MYO3B: variants seen among roughly 807,000 people sequenced by gnomAD.
The protein encoded by MYO3B is myosin-IIIb.
MYO3B carries 156 observed loss-of-function variants against 174.6 expected under a neutral mutation model. That is an observed-to-expected ratio of 0.89 (90% CI 0.78 to 1.02). The LOEUF is 1.02. Ranked by LOEUF, MYO3B falls within the 50% of genes least tolerant of loss-of-function variation. MYO3B has a pLI of 0.00. For missense variants in MYO3B, 1,632 were observed against 1,639.4 expected (o/e 1.00, Z 0.08); for synonymous variants, 563 against 569.1 (o/e 0.99, Z 0.15).
chr2:170,362,439 G>T (rs1228017513), intron 8 of MYO3B, among the ~76,000 whole-genome samples: 1 of 152,134 alleles, frequency 6.6e-6, no homozygotes, highest in Non-Finnish European at 1.5e-5. Context: ...AGGATCTCTG[G>T]CAAGATGGCA....
chr2:170,366,712 A>G (rs1574857836), intron 8 of MYO3B, among the ~76,000 whole-genome samples: 1 of 152,176 alleles, frequency 6.6e-6, no homozygotes, highest in Non-Finnish European at 1.5e-5. Flanking sequence ...CTCTGACTTC[A>G]TTATTCATTC....
At chr2:170,492,517 C>T (rs1396629354) in intron 25 of MYO3B, among the ~76,000 whole-genome samples, 2 of 152,168 alleles carry the variant, frequency 1.3e-5, no homozygotes, top group Admixed American at 6.6e-5. Flanking sequence ...TTTACATGAA[C>T]GAAAGTAACC....
chr2:170,373,713 T>C (rs957442917), intron 9 of MYO3B, among the ~76,000 whole-genome samples: 1 of 151,246 alleles, frequency 6.6e-6, no homozygotes, highest in East Asian at 1.9e-4. Flanking sequence ...AAAAGGGAGG[T>C]TGACTTTAGA....
Position 170,369,208 on chromosome 2 carries a change from G to A in MYO3B, c.816-14G>A. On this transcript the variant is annotated splice_polypyrimidine_tract_variant and intron_variant, in intron 8 of 34. Transcript: ENST00000408978. ...AGATTGTACTTTGGATTGTTTGTTG[G>A]TTTTTGCAAACAGGTGTCTTATTAA... 1.9e-6 allele frequency: 3 copies of A among 1,610,388 alleles called. No individual in the cohort carries two copies. Among genetic ancestry groups the A allele is most frequent in the Non-Finnish European group, 2.5e-6 (3 of 1,177,456 alleles).
chr2:170,325,046 T>A (rs1357940102), intron 7 of MYO3B, among the ~76,000 whole-genome samples: 1 of 152,130 alleles, frequency 6.6e-6, no homozygotes, highest in Non-Finnish European at 1.5e-5. Context: ...AGGCTTGGGT[T>A]TGGGGGCAGG....
chr2:170,623,531 C>T (rs1575272988), intron 32 of MYO3B, among the ~76,000 whole-genome samples: 1 of 152,140 alleles, frequency 6.6e-6, no homozygotes, highest in Admixed American at 6.5e-5. Flanking sequence ...GTTGCCTGTT[C>T]ACTCTGATGG....
chr2:170,462,207 T>C (rs1684337213), intron 23 of MYO3B, among the ~76,000 whole-genome samples: 1 of 152,212 alleles, frequency 6.6e-6, no homozygotes, highest in Non-Finnish European at 1.5e-5. Context: ...TTCAGCTGCA[T>C]GTGAATGGAC....
At position 170,366,583 on chromosome 2, in the gene MYO3B, A is replaced by G. The variant is rs534884351; in HGVS notation, c.816-2639A>G. ...GTTGGGATTATGGGCATGAGCCACCACGCCTGGCCAACAGATCTTCTTGAT... is the reference window on the plus strand; with the variant it reads ...GTTGGGATTATGGGCATGAGCCACCGCGCCTGGCCAACAGATCTTCTTGAT... On this transcript the variant is annotated intron_variant, in intron 8 of 34. Transcript: ENST00000408978. 1.1e-4 allele frequency among the ~76,000 whole-genome samples: 16 copies of G among 152,290 alleles called. 1 individual carries two copies. The South Asian group carries it at 3.3e-3, about 32-fold the overall frequency.
chr2:170,351,359 G>A (rs2094067361), intron 8 of MYO3B, among the ~76,000 whole-genome samples: 6 of 152,280 alleles, frequency 3.9e-5, no homozygotes, highest in Middle Eastern at 6.8e-3. Flanking sequence ...TGCTCTAACT[G>A]TAGCAATTTC....
chr2:170,413,772 G>C lies in MYO3B; in HGVS notation c.2650+5928G>C, dbSNP rs188226385. 3.1e-3 allele frequency among the ~76,000 whole-genome samples: 477 copies of C among 152,212 alleles called. 6 individuals carry two copies. The highest frequency in any genetic ancestry group is 0.011 in the African/African-American group (458 of 41,542). ...AACTATCCTTAGGCCGGGTGCGGTGGCTCATGCCTGTAATCCCAGCACTTT... is the reference window on the plus strand; with the variant it reads ...AACTATCCTTAGGCCGGGTGCGGTGCCTCATGCCTGTAATCCCAGCACTTT... On this transcript the variant is annotated intron_variant, in intron 22 of 34. Transcript: ENST00000408978.
At chr2:170,465,054 C>T (rs1684534584) in intron 24 of MYO3B, among the ~76,000 whole-genome samples, 3 of 150,376 alleles carry the variant, frequency 2.0e-5, no homozygotes. Context: ...TGTATTTTCA[C>T]TAGAGATGAG....
At chr2:170,321,993 AAT>A (rs1229600178) in intron 7 of MYO3B, among the ~76,000 whole-genome samples, 7 of 151,950 alleles carry the variant, frequency 4.6e-5, no homozygotes, top group Non-Finnish European at 7.4e-5. Context: ...ACGTGCCTGT[AAT>A]CCCAGGTACT....
intron 8 of MYO3B, among the ~76,000 whole-genome samples, chr2:170,362,394 T>C (rs763863200): frequency 5.9e-5 from 9 of 152,220 alleles, no homozygotes; most frequent in African/African-American, 9.7e-5. Context: ...TGTCTAAAGA[T>C]CAGGCTCACT....
intron 28 of MYO3B, among the ~76,000 whole-genome samples, chr2:170,510,620 A>G (rs951182536): frequency 1.3e-5 from 2 of 151,784 alleles, no homozygotes; most frequent in African/African-American, 2.4e-5. Flanking sequence ...GTCATACTGG[A>G]TGAAGGTGGG....
chr2:170,609,884 G>A (rs184879712), intron 32 of MYO3B, among the ~76,000 whole-genome samples: 2 of 152,250 alleles, frequency 1.3e-5, no homozygotes, highest in Admixed American at 6.5e-5. Context: ...GTGGGGAAAG[G>A]GGGGCCAGGC....
chr2:170,249,820 C>T (rs1367265717), intron 7 of MYO3B, among the ~76,000 whole-genome samples: 1 of 152,142 alleles, frequency 6.6e-6, no homozygotes, highest in African/African-American at 2.4e-5. Flanking sequence ...TGGCAAACGT[C>T]CTTGAGTTTC....
chr2:170,264,958 A>G (rs1468207711), intron 7 of MYO3B, among the ~76,000 whole-genome samples: 2 of 152,232 alleles, frequency 1.3e-5, no homozygotes, highest in Non-Finnish European at 2.9e-5. Context: ...AGGTTAAGCC[A>G]AAGGGGCAAG....
chr2:170,299,854 TATGTGGGGTCTTTG>T (rs1173608510), intron 7 of MYO3B, among the ~76,000 whole-genome samples: 2 of 152,144 alleles, frequency 1.3e-5, no homozygotes, highest in African/African-American at 4.8e-5. Flanking sequence ...CAGGAATAAT[TATGTGGGGTCTTTG>T]ATAAAATCTG....
intron 30 of MYO3B, among the ~76,000 whole-genome samples, chr2:170,535,638 T>C (rs2106184198): frequency 6.6e-6 from 1 of 152,316 alleles, no homozygotes; most frequent in Non-Finnish European, 1.5e-5. Flanking sequence ...GTTACTCAAA[T>C]AGCCCAAGCT....
Sources: gnomAD v4.1 joint callset for allele counts (sites outside exome capture counted in the v4.1 genomes callset) on GRCh38, gnomAD v4.1.1 for gene constraint, MANE v1.5 for transcripts, NCBI Gene and HGNC (gene_info 2026-07-23, HGNC 2026-07-21) for gene names.